The following PCYT2 variants were observed in gnomAD, a reference collection of about 807,000 sequenced individuals.
PCYT2 encodes the protein ethanolamine-phosphate cytidylyltransferase.
In PCYT2, 33 loss-of-function variants were observed where a neutral mutation model predicts 50.0. That is an observed-to-expected ratio of 0.66 (90% CI 0.50 to 0.88). PCYT2 has a LOEUF of 0.88. Ranked by LOEUF, PCYT2 falls within the 40% of genes least tolerant of loss-of-function variation. PCYT2 has a pLI of 0.00. For missense variants in PCYT2, 430 were observed against 519.7 expected (o/e 0.83, Z 1.68); for synonymous variants, 240 against 203.7 (o/e 1.18, Z -1.52).
In PCYT2 at chr17:81,902,161, CGCCG is replaced by C; in HGVS notation, c.*2668_*2671del. 5.0e-6 allele frequency: 5 copies of C among 1,008,310 alleles called. No homozygotes were observed. Among genetic ancestry groups the C allele is most frequent in the Non-Finnish European group, 6.3e-6 (5 of 798,254 alleles). 62.5% of individuals were successfully genotyped at this position (1,008,310 alleles called of 1,614,324 possible). On this transcript the variant is annotated 3_prime_UTR_variant, in exon 13 of 13. Coordinates refer to ENST00000538936, the MANE Select transcript of PCYT2 (RefSeq NM_002861.5). ...CGCGCCCGCTGCACCCCAGCCCGCC[CGCCG>C]CCCCTCCCGGCCCTCCGCAGCCTCG...
At chr17:81,907,416 A>G (rs2040332482) in intron 6 of PCYT2, 138 bp downstream of exon 6, 3 of 1,193,754 alleles carry the variant, frequency 2.5e-6, no homozygotes, top group Non-Finnish European at 1.2e-6. Context: ...CCTGGCAGTC[A>G]GTGCCTGGTC....
At position 81,904,737 on chromosome 17, in the gene PCYT2, G is replaced by A; in HGVS notation, c.*96C>T. 2.5e-6 allele frequency: 2 copies of A among 785,846 alleles called. No homozygotes were observed. The highest frequency in any genetic ancestry group is 1.8e-5 in the South Asian group (1 of 56,224). 48.7% of individuals were successfully genotyped at this position (785,846 alleles called of 1,614,324 possible). On this transcript the variant is annotated 3_prime_UTR_variant, in exon 13 of 13. Transcript: ENST00000538936. ...GTCCTCACCAGCCCTTCCAGAGCCA[G>A]GCCAGTTAGAGAGGGCGGCCCTGCA...
At chr17:81,907,891 G>A in intron 4 of PCYT2, 34 bp from the exon 5 acceptor site, 1 of 1,552,358 alleles carries the variant, frequency 6.4e-7, no homozygotes, top group Non-Finnish European at 8.8e-7. Context: ...GTCTCATCCT[G>A]GGACACTCGC....
chr17:81,907,127 A>C lies in PCYT2; in HGVS notation c.538-229T>G. 2.4e-6 allele frequency: 3 copies of C among 1,267,130 alleles called. No individual in the cohort carries two copies. In the East Asian group the frequency reaches 7.6e-5, roughly 32 times the overall value. The allele number at this position is 1,267,130 out of a possible 1,614,324, so 78.5% of individuals were successfully genotyped here. A position where few individuals can be genotyped will look rare whatever the true frequency, so the allele number is the denominator to read the frequency against. On this transcript the variant is annotated intron_variant, in intron 6 of 12. Coordinates refer to ENST00000538936, the MANE Select transcript of PCYT2 (RefSeq NM_002861.5). ...TTCAGCCCAGCAAGCGACCACCAGG[A>C]GGAGGCAAGGAGCCCTGTGGCAGGT... is the stretch of plus-strand genomic sequence containing the variant.
In PCYT2 at chr17:81,904,750, G is replaced by A; in HGVS notation, c.*83C>T. On this transcript the variant is annotated 3_prime_UTR_variant, in exon 13 of 13. Transcript: ENST00000538936. ...CTTCCAGAGCCAGGCCAGTTAGAGA[G>A]GGCGGCCCTGCAGAGTCCTATGTCC... The A allele has an allele frequency of 1.1e-6, 1 of 882,184 alleles. No individual in the cohort carries two copies. Among genetic ancestry groups the A allele is most frequent in the South Asian group, 1.6e-5 (1 of 60,812 alleles). 54.6% of individuals were successfully genotyped at this position (882,184 alleles called of 1,614,324 possible).
chr17:81,902,542 C>G lies in PCYT2; in HGVS notation c.*2291G>C. On this transcript the variant is annotated 3_prime_UTR_variant, in exon 13 of 13. Coordinates refer to ENST00000538936, the MANE Select transcript of PCYT2 (RefSeq NM_002861.5). The stretch of plus-strand genomic sequence containing the variant: ...GCGGAGCCTCGTGAGTCCGGCGTGC[C>G]GGGGACTGATGGGGGGCGGCGGCAG... 1 of 1,480,184 alleles carries G rather than the reference C, an allele frequency of 6.8e-7. No homozygotes were observed. The highest frequency in any genetic ancestry group is 8.9e-7 in the Non-Finnish European group (1 of 1,121,898). 91.7% of individuals were successfully genotyped at this position (1,480,184 alleles called of 1,614,324 possible). A position where few individuals can be genotyped will look rare whatever the true frequency, so the allele number is the denominator to read the frequency against.
rs867233345 is a variant in PCYT2, at chr17:81,906,914, G to A, written c.538-16C>T. The A allele has an allele frequency of 1.9e-6, 3 of 1,611,142 alleles. No individual in the cohort carries two copies. Among genetic ancestry groups the A allele is most frequent in the Middle Eastern group, 3.3e-4 (2 of 6,052 alleles). On this transcript the variant is annotated splice_polypyrimidine_tract_variant and intron_variant, in intron 6 of 12. Transcript: ENST00000538936. ...CACCAGGGCACTGCAAGCCAAGAGA[G>A]GGAGCAGGTTGGCGGGGGAGGCCTC...
Position 81,902,700 on chromosome 17 carries a change from G to A in PCYT2, c.*2133C>T. 6.2e-7 allele frequency: 1 copy of A among 1,608,996 alleles called. No individual in the cohort carries two copies. Among genetic ancestry groups the A allele is most frequent in the Non-Finnish European group, 8.5e-7 (1 of 1,178,846 alleles). ...ACGGCCGCGGGACCTACCAGTGCAAGGCGAACGTCTTCCTGTCCCTGCGCG... is the reference window on the plus strand; with the variant it reads ...ACGGCCGCGGGACCTACCAGTGCAAAGCGAACGTCTTCCTGTCCCTGCGCG... On this transcript the variant is annotated 3_prime_UTR_variant, in exon 13 of 13. Transcript: ENST00000538936.
rs1025586393 is a variant in PCYT2, at chr17:81,904,318, G to A, written c.*515C>T. The stretch of plus-strand genomic sequence containing the variant: ...CAGAACAGAGTCCATAAGGAGAGTG[G>A]CGAAGCTGCCGGGAAGGAAGGCAAG... On this transcript the variant is annotated 3_prime_UTR_variant, in exon 13 of 13. Coordinates refer to ENST00000538936, the MANE Select transcript of PCYT2 (RefSeq NM_002861.5). The A allele has an allele frequency of 6.4e-6, 1 of 155,874 alleles. No individual in the cohort carries two copies. Among genetic ancestry groups the A allele is most frequent in the Non-Finnish European group, 1.4e-5 (1 of 70,576 alleles). The allele number at this position is 155,874 out of a possible 1,614,324, so 9.7% of individuals were successfully genotyped here.
At chr17:81,907,233 C>T (rs1412688883) in intron 6 of PCYT2, 2 of 1,534,444 alleles carry the variant, frequency 1.3e-6, no homozygotes, top group African/African-American at 2.7e-5. Flanking sequence ...GAAAGTATGT[C>T]CCCGGCGGGT....
chr17:81,906,912 G>A lies in PCYT2; in HGVS notation c.538-14C>T, dbSNP rs780787604. 2.7e-5 allele frequency: 43 copies of A among 1,611,208 alleles called. No homozygotes were observed. Among genetic ancestry groups the A allele is most frequent in the Non-Finnish European group, 3.6e-5 (42 of 1,178,990 alleles). On this transcript the variant is annotated splice_polypyrimidine_tract_variant and intron_variant, in intron 6 of 12. Transcript: ENST00000538936. ...CCCACCAGGGCACTGCAAGCCAAGA[G>A]AGGGAGCAGGTTGGCGGGGGAGGCC...
chr17:81,906,038 A>G (rs376834940), intron 9 of PCYT2, 62 bp downstream of exon 9: 184 of 1,444,138 alleles, frequency 1.3e-4, no homozygotes, highest in Middle Eastern at 1.8e-4. Context: ...GGAGGCCCTT[A>G]GTAGGGGGGA....
intron 11 of PCYT2, 72 bp from the exon 12 acceptor site, chr17:81,905,226 C>G: frequency 7.1e-7 from 1 of 1,406,710 alleles, no homozygotes. Context: ...GATGCCCTGC[C>G]CCAGAGGGAG....
Position 81,909,611 on chromosome 17 carries a change from A to G in PCYT2, c.90-9T>C, listed in dbSNP as rs757776735. On this transcript the variant is annotated splice_polypyrimidine_tract_variant and intron_variant, in intron 1 of 12. Transcript: ENST00000538936. ...AATGCACCATGTCATAGCTGTGGAG[A>G]CAGAGAGAGTGGGTGGTCCCTGTGC... 6.2e-7 allele frequency: 1 copy of G among 1,611,238 alleles called. No homozygotes were observed. The highest frequency in any genetic ancestry group is 8.5e-7 in the Non-Finnish European group (1 of 1,177,692).
Position 81,904,873 on chromosome 17 carries a change from T to G in PCYT2, c.1130A>C (p.Gln377Pro), listed in dbSNP as rs201073746. Residue 377 changes from glutamine (Q) to proline (P), a missense_variant, in exon 13 of 13, where the codon CAG (glutamine) becomes CCG (proline). Gln to Pro is a moderately conservative substitution (Grantham distance 76, BLOSUM62 -1). Coordinates refer to ENST00000538936, the MANE Select transcript of PCYT2 (RefSeq NM_002861.5). ...ELAFLEAARQ[Q>P]AAQPLGERDG... The stretch of plus-strand genomic sequence containing the variant: ...GCGCTCCCCCAGGGGCTGTGCCGCC[T>G]GCTGCCTGGCAGCCTCCAGGAAGGC... 6.2e-7 allele frequency: 1 copy of G among 1,612,816 alleles called. No homozygotes were observed. Among genetic ancestry groups the G allele is most frequent in the African/African-American group, 1.3e-5 (1 of 74,940 alleles).
At position 81,904,927 on chromosome 17, in the gene PCYT2, C is replaced by T. The variant is rs774639288; in HGVS notation, c.1076G>A (p.Arg359Gln). The change falls in exon 13 of 13, where the codon CGA becomes CAA. Residue 359 changes from arginine (R) to glutamine (Q), a missense_variant. Physicochemically the swap from Arg to Gln is conservative, Grantham distance 43. Around this residue, in one of 4 missense-constraint regions of PCYT2, gnomAD observed 248 missense variants for 300.2 expected, o/e 0.83. Transcript: ENST00000538936. ...CTCCTTGGCTTCCTTCTTCTGGTTT[C>T]GCGCCTCATACTCCAACCTGAGAGG... ...IITNRLEYEARNQKKEAKELA... is the reference protein window; with the variant it reads ...IITNRLEYEAQNQKKEAKELA... 15 of 1,612,756 alleles carry T rather than the reference C, an allele frequency of 9.3e-6. No homozygotes were observed. Among genetic ancestry groups the T allele is most frequent in the Admixed American group, 1.7e-5 (1 of 59,950 alleles).
Position 81,904,855 on chromosome 17 carries a change from C to T in PCYT2, c.1148G>A (p.Gly383Glu). 6.2e-7 allele frequency: 1 copy of T among 1,612,082 alleles called. No individual in the cohort carries two copies. The highest frequency in any genetic ancestry group is 8.5e-7 in the Non-Finnish European group (1 of 1,179,416). ...AARQQAAQPL[G>E]ERDGDF ...AGGTTAGAAGTCACCATCGCGCTCC[C>T]CCAGGGGCTGTGCCGCCTGCTGCCT... Residue 383 changes from glycine (G) to glutamate (E), a missense_variant, in exon 13 of 13, where the codon GGG becomes GAG. By Grantham distance (98) the Gly-to-Glu change is moderately conservative. Transcript: ENST00000538936.
chr17:81,905,252 C>A, intron 11 of PCYT2, 98 bp from the exon 12 acceptor site: 1 of 1,320,962 alleles, frequency 7.6e-7, no homozygotes. Context: ...CGCCCAGGGT[C>A]CCATGGGAGT....
chr17:81,907,683 G>T, intron 5 of PCYT2, 85 bp from the exon 6 acceptor site: 2 of 1,594,036 alleles, frequency 1.3e-6, no homozygotes, highest in Non-Finnish European at 1.7e-6. Context: ...GGAGCAGTGG[G>T]CAGGAGGACC....
Sources: gnomAD v4.1 joint callset for allele counts on GRCh38, gnomAD v4.1.1 for gene constraint, gnomAD v4.1.1 regional missense constraint, MANE v1.5 for transcripts, NCBI Gene and HGNC (gene_info 2026-07-23, HGNC 2026-07-21) for gene names.